The following LDLRAD4 variants were observed in gnomAD, a reference collection of about 807,000 sequenced individuals.
LDLRAD4 encodes low density lipoprotein receptor class A domain containing 4, also known as low-density lipoprotein receptor class A domain-containing protein 4.
LDLRAD4 carries 5 observed loss-of-function variants against 17.0 expected under a neutral mutation model. The ratio of observed to expected loss-of-function variants is 0.29; its 90% CI spans 0.15 to 0.62. The LOEUF is 0.62. Ranked by LOEUF, LDLRAD4 falls within the 20% of genes least tolerant of loss-of-function variation. The pLI is 0.84. For synonymous variants in LDLRAD4, 168 were observed against 171.8 expected, an observed-to-expected ratio of 0.98 and a Z score of 0.17; for missense variants, 340 against 424.7, an observed-to-expected ratio of 0.80 and a Z score of 1.75.
chr18:13,504,759 C>G (rs1015122773), intron 3 of LDLRAD4, among the ~76,000 whole-genome samples: 7 of 152,214 alleles, frequency 4.6e-5, no homozygotes, highest in African/African-American at 1.2e-4. Context: ...TACACACTTT[C>G]TCTTCCGAGA....
At position 13,382,605 on chromosome 18, in the gene LDLRAD4, A is replaced by ATGTGTGTGTGCG. The variant is rs558350652; in HGVS notation, c.-382-4715_-382-4704dup. On this transcript the variant is annotated intron_variant, in intron 1 of 5. Coordinates refer to ENST00000359446, the Ensembl canonical transcript of LDLRAD4. ...TCTTCCCAGTATAAATAGAACCTCC[A>ATGTGTGTGTGCG]TGTGTGTGTGCGTGTGTGTGTGCGT... 1.9e-3 allele frequency: 296 copies of ATGTGTGTGTGCG among 151,966 alleles called. 1 individual carries two copies. Among genetic ancestry groups the ATGTGTGTGTGCG allele is most frequent in the African/African-American group, 6.9e-3 (286 of 41,418 alleles). The allele number at this position is 151,966 out of a possible 1,614,324, so 9.4% of individuals were successfully genotyped here.
At chr18:13,498,988 C>CT (rs1259459440) in intron 3 of LDLRAD4, among the ~76,000 whole-genome samples, 7 of 143,354 alleles carry the variant, frequency 4.9e-5, no homozygotes, top group South Asian at 2.3e-4. Context: ...GAATCCATCT[C>CT]CACACACGTC....
upstream of LDLRAD4, among the ~76,000 whole-genome samples, chr18:13,218,351 G>C (rs1422149832): frequency 2.6e-5 from 4 of 152,312 alleles, no homozygotes; most frequent in South Asian, 4.1e-4. Context: ...GGGTTACGCC[G>C]GTGGAGGGAC....
At chr18:13,460,860 T>A (rs960829820) in intron 3 of LDLRAD4, among the ~76,000 whole-genome samples, 102 of 152,322 alleles carry the variant, frequency 6.7e-4, no homozygotes, top group African/African-American at 2.3e-3. Context: ...AAAATAAAAT[T>A]GTTCTCCCCT....
intron 3 of LDLRAD4, among the ~76,000 whole-genome samples, chr18:13,496,419 A>G (rs956543680): frequency 6.6e-6 from 1 of 152,236 alleles, no homozygotes; most frequent in African/African-American, 2.4e-5. Context: ...TACAGGCAAT[A>G]GCACAGTCTA....
chr18:13,576,152 A>G (rs1449467306), intron 3 of LDLRAD4, among the ~76,000 whole-genome samples: 1 of 152,178 alleles, frequency 6.6e-6, no homozygotes, highest in Non-Finnish European at 1.5e-5. Context: ...AGCCGGGCGC[A>G]GTGGCTCACG....
intron 1 of LDLRAD4, chr18:13,240,645 C>G (rs910987716): frequency 6.6e-6 from 1 of 151,452 alleles, no homozygotes; most frequent in African/African-American, 2.5e-5. Flanking sequence ...TGTGTGCATG[C>G]GCATGTATGC....
At chr18:13,424,840 T>C (rs1488366413) in intron 2 of LDLRAD4, among the ~76,000 whole-genome samples, 1 of 152,016 alleles carries the variant, frequency 6.6e-6, no homozygotes, top group Admixed American at 6.6e-5. Flanking sequence ...GGGGGATGTG[T>C]AGGATTTAGG....
At chr18:13,470,203 C>G (rs2092729638) in intron 3 of LDLRAD4, among the ~76,000 whole-genome samples, 1 of 152,082 alleles carries the variant, frequency 6.6e-6, no homozygotes. Context: ...TTGCAAATCT[C>G]CAATAGAGGG....
intron 1 of LDLRAD4, among the ~76,000 whole-genome samples, chr18:13,263,355 C>T (rs2044025499): frequency 6.6e-6 from 1 of 152,076 alleles, no homozygotes; most frequent in South Asian, 2.1e-4. Flanking sequence ...TGTGTGGAGA[C>T]TGCATCCTGT....
At chr18:13,424,244 G>A (rs1190344230) in intron 2 of LDLRAD4, among the ~76,000 whole-genome samples, 1 of 152,282 alleles carries the variant, frequency 6.6e-6, no homozygotes, top group Middle Eastern at 3.4e-3. Flanking sequence ...TTATACAGCT[G>A]TAATATTTAA....
chr18:13,236,961 TG>T (rs1398422428), intron 1 of LDLRAD4, among the ~76,000 whole-genome samples: 1 of 152,156 alleles, frequency 6.6e-6, no homozygotes, highest in Non-Finnish European at 1.5e-5. Context: ...GGACTGTGCT[TG>T]GGGGCATAAT....
At chr18:13,464,707 C>T (rs1392094120) in intron 3 of LDLRAD4, among the ~76,000 whole-genome samples, 1 of 150,676 alleles carries the variant, frequency 6.6e-6, no homozygotes, top group East Asian at 1.9e-4. Context: ...TTAGGGCTGA[C>T]AGAGCCTGAC....
In LDLRAD4 at chr18:13,621,572, G is replaced by A. The variant is rs1449721030; in HGVS notation, c.336+301G>A. 6.6e-6 allele frequency among the ~76,000 whole-genome samples: 1 copy of A among 152,212 alleles called. No individual in the cohort carries two copies. Among genetic ancestry groups the A allele is most frequent in the African/African-American group, 2.4e-5 (1 of 41,474 alleles). ...TTCTGAGCTGTGCACGAACGGGACC[G>A]GCCCTGGGTGGTCCCTCGTGCCTGG... On this transcript the variant is annotated intron_variant, in intron 4 of 5. Transcript: ENST00000359446. The surrounding 1 kb of genome is among the most constrained non-coding windows in gnomAD (Gnocchi z 5.5).
intron 1 of LDLRAD4, among the ~76,000 whole-genome samples, chr18:13,272,969 G>A (rs1279729489): frequency 6.6e-6 from 1 of 152,234 alleles, no homozygotes; most frequent in Non-Finnish European, 1.5e-5. Context: ...AGAGAAGCTA[G>A]GGAGCTGTGG....
intron 3 of LDLRAD4, among the ~76,000 whole-genome samples, chr18:13,535,876 C>G (rs1433474751): frequency 6.6e-6 from 1 of 152,138 alleles, no homozygotes. Context: ...AATAAAGATA[C>G]AATTGTTTCA....
In LDLRAD4 at chr18:13,422,422, T is replaced by C. The variant is rs544971604; in HGVS notation, c.41-15822T>C. On this transcript the variant is annotated intron_variant, in intron 2 of 5. Coordinates refer to ENST00000359446, the Ensembl canonical transcript of LDLRAD4. Reference sequence around the variant, plus strand: ...CTTGTTAAAAACCAGTAAGGCCAGGTGCAGTTGCTCATGCCTATAATCCTA... The same window carrying C: ...CTTGTTAAAAACCAGTAAGGCCAGGCGCAGTTGCTCATGCCTATAATCCTA... 5.3e-5 allele frequency among the ~76,000 whole-genome samples: 8 copies of C among 152,070 alleles called. No individual in the cohort carries two copies. The South Asian group carries it at 1.7e-3, about 32-fold the overall frequency.
intron 1 of LDLRAD4, among the ~76,000 whole-genome samples, chr18:13,221,889 C>A (rs2041470578): frequency 6.6e-6 from 1 of 152,176 alleles, no homozygotes; most frequent in South Asian, 2.1e-4. Context: ...CAGCTGCGAG[C>A]TTTCCCGGAC....
chr18:13,476,930 A>G (rs60365187), intron 3 of LDLRAD4, among the ~76,000 whole-genome samples: 8,184 of 152,284 alleles, frequency 0.054, 291 homozygotes, highest in East Asian at 0.12. Context: ...GGAATGGACT[A>G]TGCCTTTTAT....
Sources: allele counts gnomAD v4.1 joint callset (sites outside exome capture counted in the v4.1 genomes callset), GRCh38; gene constraint gnomAD v4.1.1; non-coding constraint Gnocchi (gnomAD v3.1); transcripts MANE v1.5; gene names NCBI Gene and HGNC (gene_info 2026-07-23, HGNC 2026-07-21).